THADA: variants seen among roughly 807,000 people sequenced by gnomAD.
THADA encodes tRNA (32-2'-O)-methyltransferase regulator THADA.
A neutral mutation model predicts 219.8 loss-of-function variants in THADA; 213 were observed. That is an observed-to-expected ratio of 0.97 (90% CI 0.87 to 1.09). THADA has a LOEUF of 1.09. THADA is among the 50% of genes least tolerant of loss of function. THADA has a pLI of 0.00. For missense variants in THADA, 2,956 were observed against 2,311.3 expected, an observed-to-expected ratio of 1.28 and a Z score of -5.72; for synonymous variants, 1,018 against 828.9, an observed-to-expected ratio of 1.23 and a Z score of -3.92.
At chr2:43,385,828 C>T (rs1159891582) in intron 29 of THADA, among the ~76,000 whole-genome samples, 1 of 151,342 alleles carries the variant, frequency 6.6e-6, no homozygotes. Flanking sequence ...CTTGTAAACT[C>T]TTCGAAATCA....
In THADA at chr2:43,498,845, T is replaced by C; in HGVS notation, c.3732A>G (p.Ser1244=). ...GAKAAILGFT[S]PVWAVRNSST... ...TGACAGCACTTACTGCCCAGACCGG[T>C]GATGTAAAACCCAGAATTGCAGCCT... Residue 1244 remains serine (S), a synonymous_variant, in exon 25 of 38, where the codon TCA becomes TCG. Transcript: ENST00000405975. 1.9e-6 allele frequency: 3 copies of C among 1,612,986 alleles called. No homozygotes were observed. Among genetic ancestry groups the C allele is most frequent in the Non-Finnish European group, 2.5e-6 (3 of 1,179,570 alleles).
At chr2:43,450,926 G>A (rs916041108) in intron 26 of THADA, among the ~76,000 whole-genome samples, 1 of 152,120 alleles carries the variant, frequency 6.6e-6, no homozygotes, top group Non-Finnish European at 1.5e-5. Flanking sequence ...GTAGAATGGT[G>A]GTTACTGGGG....
chr2:43,382,104 G>T lies in THADA; in HGVS notation c.4227+15867C>A, dbSNP rs569851427. 1.1e-3 allele frequency among the ~76,000 whole-genome samples: 170 copies of T among 152,260 alleles called. 1 individual carries two copies. The highest frequency in any genetic ancestry group is 3.9e-3 in the African/African-American group (164 of 41,540). Reference sequence around the variant, plus strand: ...ACCATCAAAAACATGAAAAAAAGCAGGAGAAACTGTCACAGACCAGAAGAG... The same window carrying T: ...ACCATCAAAAACATGAAAAAAAGCATGAGAAACTGTCACAGACCAGAAGAG... On this transcript the variant is annotated intron_variant, in intron 29 of 37. Transcript: ENST00000405975.
intron 36 of THADA, among the ~76,000 whole-genome samples, chr2:43,247,493 G>A (rs1669271585): frequency 6.6e-6 from 1 of 151,910 alleles, no homozygotes; most frequent in African/African-American, 2.4e-5. Context: ...TGTAATCACA[G>A]GACTTTGGGA....
chr2:43,466,298 G>C (rs1232532325), intron 26 of THADA, among the ~76,000 whole-genome samples: 1 of 152,168 alleles, frequency 6.6e-6, no homozygotes, highest in Non-Finnish European at 1.5e-5. Context: ...GAAAAAACAT[G>C]TTCACACCAA....
At chr2:43,515,996 C>A (rs1411186732) in intron 22 of THADA, among the ~76,000 whole-genome samples, 1 of 152,138 alleles carries the variant, frequency 6.6e-6, no homozygotes, top group African/African-American at 2.4e-5. Context: ...TCGATCTCTT[C>A]AGGGGCTCAA....
intron 7 of THADA, among the ~76,000 whole-genome samples, chr2:43,584,161 G>C (rs1304432352): frequency 2.0e-5 from 3 of 151,470 alleles, no homozygotes; most frequent in Non-Finnish European, 2.9e-5. Context: ...AAGTAGAATA[G>C]AGGTTACCTG....
intron 21 of THADA, among the ~76,000 whole-genome samples, chr2:43,540,341 A>G (rs1695136592): frequency 6.6e-6 from 1 of 152,226 alleles, no homozygotes. Flanking sequence ...AACATAAGCC[A>G]CAGAGTGTGA....
At chr2:43,533,919 CA>C (rs576120659) in intron 21 of THADA, among the ~76,000 whole-genome samples, 1 of 151,954 alleles carries the variant, frequency 6.6e-6, no homozygotes, top group African/African-American at 2.4e-5. Context: ...AAATTTAAAA[CA>C]AAAAACTCTT....
intron 19 of THADA, 109 bp from the exon 20 acceptor site, chr2:43,549,477 G>A (rs1011527913): frequency 8.9e-7 from 1 of 1,124,946 alleles, no homozygotes; most frequent in Non-Finnish European, 1.2e-6. Flanking sequence ...TTAATAATCA[G>A]CTTTATTAGA....
chr2:43,492,488 C>G (rs1397815576), intron 25 of THADA, among the ~76,000 whole-genome samples: 2 of 152,076 alleles, frequency 1.3e-5, no homozygotes, highest in Non-Finnish European at 2.9e-5. Context: ...GAATGGACAG[C>G]CTACTATGTG....
At chr2:43,320,299 G>A (rs1375070597) in intron 31 of THADA, 147 bp downstream of exon 31, 3 of 496,656 alleles carry the variant, frequency 6.0e-6, no homozygotes, top group Non-Finnish European at 1.1e-5. Flanking sequence ...TTCTATGAGG[G>A]AACTATATGA....
At chr2:43,553,617 G>A (rs531813980) in intron 17 of THADA, among the ~76,000 whole-genome samples, 3 of 152,252 alleles carry the variant, frequency 2.0e-5, no homozygotes, top group Admixed American at 1.3e-4. Flanking sequence ...ATAGCAGCTC[G>A]AGCTAAGACA....
At chr2:43,467,203 A>C (rs1225978439) in intron 26 of THADA, among the ~76,000 whole-genome samples, 2 of 147,766 alleles carry the variant, frequency 1.4e-5, no homozygotes, top group East Asian at 2.0e-4. Context: ...AAAAAAAAAA[A>C]AAACACCACG....
At chr2:43,561,792 C>T (rs1204242415) in intron 15 of THADA, among the ~76,000 whole-genome samples, 1 of 152,094 alleles carries the variant, frequency 6.6e-6, no homozygotes, top group Non-Finnish European at 1.5e-5. Flanking sequence ...TGGTGAACAG[C>T]AGTGATGACA....
At position 43,276,644 on chromosome 2, in the gene THADA, G is replaced by T. The variant is rs7570871; in HGVS notation, c.5296+3121C>A. ...CCAGGATAGCTGTGCTGCGTTCTGA[G>T]GAAGGCAGGACAGAACCCAGACAGT... On this transcript the variant is annotated intron_variant, in intron 36 of 37. Coordinates refer to ENST00000405975, the MANE Select transcript of THADA (RefSeq NM_022065.5). Among the ~76,000 whole-genome samples the T allele has an allele frequency of 6.0e-3, 911 of 152,218 alleles. 9 individuals carry two copies. Among genetic ancestry groups the T allele is most frequent in the African/African-American group, 0.021 (857 of 41,540 alleles).
At chr2:43,498,799 T>G (rs1470459507) in intron 25 of THADA, 34 bp downstream of exon 25, 2 of 1,602,616 alleles carry the variant, frequency 1.2e-6, no homozygotes, top group Non-Finnish European at 1.7e-6. Flanking sequence ...GAAGCATAAT[T>G]AAATCAATGA....
Position 43,461,097 on chromosome 2 carries a change from C to T in THADA, c.3836+24137G>A, listed in dbSNP as rs150230638. 2.5e-3 allele frequency among the ~76,000 whole-genome samples: 376 copies of T among 152,238 alleles called. 1 individual carries two copies. The highest frequency in any genetic ancestry group is 8.9e-3 in the African/African-American group (369 of 41,540). ...AGAAAGTAGGCTGGACTGTGGAAGGCCTCAAATGCCAAGCTAATGAATTTG... is the reference window on the plus strand; with the variant it reads ...AGAAAGTAGGCTGGACTGTGGAAGGTCTCAAATGCCAAGCTAATGAATTTG... On this transcript the variant is annotated intron_variant, in intron 26 of 37. Coordinates refer to ENST00000405975, the MANE Select transcript of THADA (RefSeq NM_022065.5).
intron 21 of THADA, among the ~76,000 whole-genome samples, chr2:43,537,939 CA>C (rs1196698525): frequency 0.052 from 3,161 of 60,444 alleles, 25 homozygotes; most frequent in African/African-American, 0.063. Flanking sequence ...GACCCAGACT[CA>C]AAAAAAAAAA....
Sources: gnomAD v4.1 joint callset for allele counts (sites outside exome capture counted in the v4.1 genomes callset) on GRCh38, gnomAD v4.1.1 for gene constraint, MANE v1.5 for transcripts, NCBI Gene and HGNC (gene_info 2026-07-23, HGNC 2026-07-21) for gene names.